MYO16: variants seen among roughly 807,000 people sequenced by gnomAD.
MYO16 encodes myosin XVI.
MYO16 carries 94 observed loss-of-function variants against 205.3 expected under a neutral mutation model. The observed-to-expected ratio is 0.46, with a 90% CI of 0.39 to 0.54. The LOEUF (loss-of-function observed/expected upper bound fraction) is 0.54, where lower values mean the gene tolerates loss of function less well. Ranked by LOEUF, MYO16 falls within the 20% of genes least tolerant of loss-of-function variation. The pLI is 0.00. For missense variants in MYO16, 2,315 were observed against 2,387.5 expected (o/e 0.97, Z 0.63); for synonymous variants, 988 against 954.0 (o/e 1.04, Z -0.66).
At chr13:109,187,974 G>T (rs1442261974) in intron 34 of MYO16, among the ~76,000 whole-genome samples, 1 of 152,154 alleles carries the variant, frequency 6.6e-6, no homozygotes. Flanking sequence ...CTGTGGCTTT[G>T]TCCACACCTT....
intron 1 of MYO16, among the ~76,000 whole-genome samples, chr13:108,649,655 T>G (rs916431316): frequency 1.3e-5 from 2 of 152,356 alleles, no homozygotes; most frequent in African/African-American, 4.8e-5. Context: ...TATACCATTA[T>G]TTGTATACCA....
intron 20 of MYO16, 71 bp from the exon 21 acceptor site, chr13:108,992,305 G>T: frequency 8.9e-7 from 1 of 1,123,956 alleles, no homozygotes; most frequent in South Asian, 1.4e-5. Context: ...CTTCTGACCT[G>T]AATAATGAAA....
At chr13:109,047,941 A>G (rs573981965) in intron 24 of MYO16, among the ~76,000 whole-genome samples, 151 of 151,870 alleles carry the variant, frequency 9.9e-4, no homozygotes, top group African/African-American at 3.3e-3. Context: ...GAGTTCTCTT[A>G]GCTAAAACTA....
chr13:108,628,534 T>C (rs1270959477), upstream of MYO16, among the ~76,000 whole-genome samples: 1 of 152,226 alleles, frequency 6.6e-6, no homozygotes. Flanking sequence ...TTTACATTGA[T>C]ACTCTGGTAA....
At chr13:108,996,732 TGTTTAAAATA>T (rs1180191299) in intron 21 of MYO16, among the ~76,000 whole-genome samples, 1 of 152,224 alleles carries the variant, frequency 6.6e-6, no homozygotes, top group African/African-American at 2.4e-5. Context: ...TGATTGAATA[TGTTTAAAATA>T]GTTCATCATG....
At chr13:109,161,772 T>A (rs889132751) in intron 32 of MYO16, among the ~76,000 whole-genome samples, 1 of 152,350 alleles carries the variant, frequency 6.6e-6, no homozygotes, top group African/African-American at 2.4e-5. Context: ...ATTTAAGGAT[T>A]TCAGCCTAAC....
chr13:108,656,955 G>A lies in MYO16; in HGVS notation c.29-8931G>A, dbSNP rs146373619. Among the ~76,000 whole-genome samples, 7 of 152,306 alleles carry A rather than the reference G, an allele frequency of 4.6e-5. No individual in the cohort carries two copies. In the East Asian group the frequency reaches 9.7e-4, roughly 21 times the overall value. ...GTGCTCTATGGAGACAGCTGACTCA[G>A]CACCAGACAGCAGGCTGCCAGTGTC... On this transcript the variant is annotated intron_variant, in intron 1 of 34. Coordinates refer to ENST00000457511, the MANE Select transcript of MYO16 (RefSeq NM_001198950.3).
At chr13:108,544,895 A>G in the MYO16 span, among the ~76,000 whole-genome samples, 1 of 151,382 alleles carries the variant, frequency 6.6e-6, no homozygotes, top group African/African-American at 2.4e-5. Context: ...TAACATAATG[A>G]CCTCCAGTTC....
At chr13:108,838,452 T>C (rs984397112) in intron 9 of MYO16, among the ~76,000 whole-genome samples, 7 of 151,230 alleles carry the variant, frequency 4.6e-5, no homozygotes, top group African/African-American at 1.7e-4. Flanking sequence ...GACAGGAGTT[T>C]GAGACCAGCC....
At chr13:108,495,920 G>A in the MYO16 span, among the ~76,000 whole-genome samples, 529 of 152,118 alleles carry the variant, frequency 3.5e-3, 2 homozygotes, top group African/African-American at 0.012. Flanking sequence ...ACCCTTCTCC[G>A]GCAGGTAGGG....
chr13:109,115,900 T>G lies in MYO16; in HGVS notation c.3439-4470T>G, dbSNP rs570654064. Among the ~76,000 whole-genome samples, 16 of 152,254 alleles carry G rather than the reference T, an allele frequency of 1.1e-4. No homozygotes were observed. In the South Asian group the frequency reaches 2.9e-3, roughly 28 times the overall value. Reference sequence around the variant, plus strand: ...TTTCTGAGGAAGAACTGCAAAATATTACTTAACTGCTAATTTCATTGCTTT... The same window carrying G: ...TTTCTGAGGAAGAACTGCAAAATATGACTTAACTGCTAATTTCATTGCTTT... On this transcript the variant is annotated intron_variant, in intron 28 of 34. Transcript: ENST00000457511.
Position 109,156,640 on chromosome 13 carries a change from G to A in MYO16, c.5165-8261G>A, listed in dbSNP as rs539625936. ...AGTGGTGTTTTCAGCATCTTGTTGG[G>A]GAAACATTCCATGGCTCCTTTCTCT... is the stretch of plus-strand genomic sequence containing the variant. On this transcript the variant is annotated intron_variant, in intron 32 of 34. Transcript: ENST00000457511. Among the ~76,000 whole-genome samples, 16 of 152,224 alleles carry A rather than the reference G, an allele frequency of 1.1e-4. 1 individual carries two copies. Among genetic ancestry groups the A allele is most frequent in the African/African-American group, 3.9e-4 (16 of 41,538 alleles).
At chr13:108,556,683 G>A in the MYO16 span, among the ~76,000 whole-genome samples, 1 of 151,978 alleles carries the variant, frequency 6.6e-6, no homozygotes, top group Non-Finnish European at 1.5e-5. Flanking sequence ...CTGAGTTTGG[G>A]TTCATATTTA....
At chr13:108,579,662 A>T in the MYO16 span, among the ~76,000 whole-genome samples, 5 of 152,074 alleles carry the variant, frequency 3.3e-5, no homozygotes, top group Non-Finnish European at 7.4e-5. Context: ...GCTGGTCTCA[A>T]ACTCCTGACC....
At chr13:109,138,164 T>C (rs1876867560) in intron 31 of MYO16, among the ~76,000 whole-genome samples, 1 of 152,228 alleles carries the variant, frequency 6.6e-6, no homozygotes, top group Admixed American at 6.5e-5. Flanking sequence ...CCATTAGACT[T>C]CATTGTCTCC....
chr13:108,818,716 A>G (rs779471606), intron 7 of MYO16, among the ~76,000 whole-genome samples: 20 of 152,322 alleles, frequency 1.3e-4, no homozygotes, highest in Non-Finnish European at 2.2e-4. Flanking sequence ...CACAGCTATT[A>G]AAAAGAGAAT....
At chr13:109,004,190 A>G (rs1438553539) in intron 21 of MYO16, among the ~76,000 whole-genome samples, 1 of 152,186 alleles carries the variant, frequency 6.6e-6, no homozygotes, top group Non-Finnish European at 1.5e-5. Context: ...GTTGCAGTAA[A>G]TGACCTATTT....
At chr13:108,721,299 G>A (rs9520987) in intron 3 of MYO16, among the ~76,000 whole-genome samples, 66,363 of 151,954 alleles carry the variant, frequency 0.44, 14,798 homozygotes, top group East Asian at 0.58. Context: ...TGTCTTAGGA[G>A]GCAGAATGAG....
At position 108,961,672 on chromosome 13, in the gene MYO16, CCTT is replaced by C. The variant is rs1395122970; in HGVS notation, c.2155+19_2155+21del. ...CTGGAACAAGGTCAGTGGAACATGA[CCTT>C]CTGACATTAACCACATTGATGTGCA... On this transcript the variant is annotated intron_variant, in intron 18 of 34. Transcript: ENST00000457511. The C allele has an allele frequency of 3.8e-6, 6 of 1,578,288 alleles. No individual in the cohort carries two copies. Among genetic ancestry groups the C allele is most frequent in the South Asian group, 1.1e-5 (1 of 90,336 alleles).
Sources: allele counts gnomAD v4.1 joint callset (sites outside exome capture counted in the v4.1 genomes callset), GRCh38; gene constraint gnomAD v4.1.1; transcripts MANE v1.5; gene names NCBI Gene and HGNC (gene_info 2026-07-23, HGNC 2026-07-21).